FGF1: variants seen among roughly 807,000 people sequenced by gnomAD.
The protein encoded by FGF1 is beta-endothelial cell growth factor.
Under a neutral mutation model 13.4 loss-of-function variants are expected in FGF1, and 9 were observed. The observed-to-expected ratio is 0.67, with a 90% CI of 0.40 to 1.17. The LOEUF (loss-of-function observed/expected upper bound fraction) is 1.17. Among genes scored for constraint, FGF1 ranks in the 50% most tolerant of loss-of-function variants. The pLI is 0.01. For synonymous variants in FGF1, 93 were observed against 79.0 expected (o/e 1.18, Z -0.94); for missense variants, 156 against 192.7 (o/e 0.81, Z 1.13).
intron 2 of FGF1, among the ~76,000 whole-genome samples, chr5:142,695,309 T>C (rs1331924148): frequency 6.6e-6 from 1 of 152,182 alleles, no homozygotes; most frequent in Non-Finnish European, 1.5e-5. Context: ...GCGCAGTGGC[T>C]TATGCCTGTA....
At position 142,652,565 on chromosome 5, in the gene FGF1, G is replaced by A. The variant is rs371784531; in HGVS notation, c.-35+33392C>T. Among the ~76,000 whole-genome samples, 13 of 152,272 alleles carry A rather than the reference G, an allele frequency of 8.5e-5. No homozygotes were observed. The East Asian group carries it at 1.7e-3, about 20-fold the overall frequency. On this transcript the variant is annotated intron_variant, in intron 1 of 3. Transcript: ENST00000337706. ...AAGACCCCCTTTAGGAAACAGAAGG[G>A]CCCAGGAGCCCCATGGTGTTCTTTG...
intron 1 of FGF1, among the ~76,000 whole-genome samples, chr5:142,655,814 C>G (rs1187600727): frequency 6.6e-6 from 1 of 152,198 alleles, no homozygotes; most frequent in East Asian, 1.9e-4. Flanking sequence ...GAAAACCCGA[C>G]TTATCCTGTG....
intron 1 of FGF1, among the ~76,000 whole-genome samples, chr5:142,616,516 C>A (rs1760279114): frequency 6.6e-6 from 1 of 152,208 alleles, no homozygotes; most frequent in African/African-American, 2.4e-5. Context: ...GTCAATTTCA[C>A]AGAGAGGATT....
intron 1 of FGF1, chr5:142,685,451 CAA>C (rs1236046402): frequency 6.6e-6 from 1 of 152,152 alleles, no homozygotes; most frequent in Non-Finnish European, 1.5e-5. Flanking sequence ...CCAGGCTTCC[CAA>C]GAGAGAGCTA....
intron 1 of FGF1, among the ~76,000 whole-genome samples, chr5:142,643,683 G>A (rs533461749): frequency 2.0e-5 from 3 of 152,252 alleles, no homozygotes; most frequent in East Asian, 1.9e-4. Context: ...GCTTCCTTCC[G>A]ATCGCTTATT....
At chr5:142,607,948 C>G (rs1758048799) in intron 2 of FGF1, among the ~76,000 whole-genome samples, 1 of 152,170 alleles carries the variant, frequency 6.6e-6, no homozygotes, top group Non-Finnish European at 1.5e-5. Context: ...TGGTTTTCTC[C>G]TCTGCTCCCC....
At chr5:142,694,187 A>G (rs1354029191) in intron 2 of FGF1, among the ~76,000 whole-genome samples, 5 of 122,222 alleles carry the variant, frequency 4.1e-5, no homozygotes, top group Non-Finnish European at 3.3e-5. Flanking sequence ...CCTGCCCACC[A>G]TCATAACCTC....
intron 1 of FGF1, among the ~76,000 whole-genome samples, chr5:142,653,696 G>A (rs1460321759): frequency 6.6e-6 from 1 of 152,146 alleles, no homozygotes; most frequent in African/African-American, 2.4e-5. Flanking sequence ...TGTGCTGCCT[G>A]CCTGTCTTCT....
At chr5:142,678,249 A>G (rs1240901670) in intron 1 of FGF1, among the ~76,000 whole-genome samples, 1 of 152,184 alleles carries the variant, frequency 6.6e-6, no homozygotes, top group African/African-American at 2.4e-5. Context: ...TTGCTAAGCC[A>G]AATCCAGTCC....
chr5:142,664,556 G>A (rs1200080884), intron 1 of FGF1, among the ~76,000 whole-genome samples: 1 of 152,210 alleles, frequency 6.6e-6, no homozygotes. Flanking sequence ...ATCAGGCCGT[G>A]CAACATTCTT....
chr5:142,674,525 GT>G (rs937913300), intron 1 of FGF1, among the ~76,000 whole-genome samples: 13 of 152,300 alleles, frequency 8.5e-5, no homozygotes, highest in Middle Eastern at 3.4e-3. Context: ...AAACCCTTGG[GT>G]AGAGTGAGAA....
intron 2 of FGF1, among the ~76,000 whole-genome samples, chr5:142,692,496 G>A (rs893609803): frequency 6.6e-6 from 1 of 151,624 alleles, no homozygotes; most frequent in African/African-American, 2.4e-5. Flanking sequence ...GGCCTCCCCT[G>A]TAATGATTTA....
At chr5:142,664,324 G>A (rs992980526) in intron 1 of FGF1, among the ~76,000 whole-genome samples, 1 of 152,208 alleles carries the variant, frequency 6.6e-6, no homozygotes, top group African/African-American at 2.4e-5. Context: ...AGTTGCCAAG[G>A]ACAGATCTAG....
chr5:142,619,809 A>G (rs1023655683), intron 1 of FGF1, among the ~76,000 whole-genome samples: 24 of 151,754 alleles, frequency 1.6e-4, no homozygotes, highest in African/African-American at 3.9e-4. Flanking sequence ...CTCCAGCCTG[A>G]GCAACAACAG....
intron 3 of FGF1, among the ~76,000 whole-genome samples, chr5:142,597,520 G>T (rs1158196366): frequency 2.0e-5 from 3 of 152,134 alleles, no homozygotes; most frequent in African/African-American, 7.2e-5. Flanking sequence ...CAATCTGTTG[G>T]TGGAAGGGGA....
At chr5:142,601,907 G>A (rs1456691064) in intron 2 of FGF1, among the ~76,000 whole-genome samples, 2 of 152,174 alleles carry the variant, frequency 1.3e-5, no homozygotes, top group African/African-American at 4.8e-5. Context: ...TGAGAAAGGT[G>A]CTTTGATAAT....
rs113512905 is a variant in FGF1 at position 142,648,642 on chromosome 5, A to C, written c.-34-34481T>G. The stretch of plus-strand genomic sequence containing the variant: ...TGCATGTTCTGTACATGTATCCCAG[A>C]ACTTAAAGTATAATAATAAAAAAAA... On this transcript the variant is annotated intron_variant, in intron 1 of 3. Coordinates refer to ENST00000337706, the MANE Select transcript of FGF1 (RefSeq NM_000800.5). Among the ~76,000 whole-genome samples the C allele has an allele frequency of 2.0e-5, 3 of 150,834 alleles. No individual in the cohort carries two copies. The South Asian group carries it at 6.3e-4, about 32-fold the overall frequency.
chr5:142,606,768 T>G (rs781246437), intron 2 of FGF1, among the ~76,000 whole-genome samples: 1 of 152,120 alleles, frequency 6.6e-6, no homozygotes, highest in Non-Finnish European at 1.5e-5. Flanking sequence ...GGGAGAGGAA[T>G]TGAGGAAATG....
At chr5:142,694,382 G>A (rs1044402229) in intron 2 of FGF1, among the ~76,000 whole-genome samples, 2 of 152,128 alleles carry the variant, frequency 1.3e-5, no homozygotes, top group African/African-American at 2.4e-5. Flanking sequence ...AGAAAATGAC[G>A]TAAATCAATA....
Sources: gnomAD v4.1 joint callset for allele counts (sites outside exome capture counted in the v4.1 genomes callset) on GRCh38, gnomAD v4.1.1 for gene constraint, MANE v1.5 for transcripts, NCBI Gene and HGNC (gene_info 2026-07-23, HGNC 2026-07-21) for gene names.